RGSL1: variants seen among roughly 807,000 people sequenced by gnomAD.
The protein encoded by RGSL1 is regulator of G protein signaling protein-like.
RGSL1 carries 97 observed loss-of-function variants against 124.7 expected under a neutral mutation model. That is an observed-to-expected ratio of 0.78 (90% CI 0.66 to 0.92). The LOEUF is 0.92. RGSL1 is among the 40% of genes least tolerant of loss of function. The pLI is 0.00. For synonymous variants in RGSL1, 424 were observed against 438.1 expected (o/e 0.97, Z 0.40); for missense variants, 1,233 against 1,288.4 (o/e 0.96, Z 0.66).
chr1:182,498,256 A>G (rs183604482), intron 9 of RGSL1, among the ~76,000 whole-genome samples: 1 of 151,930 alleles, frequency 6.6e-6, no homozygotes, highest in Admixed American at 6.6e-5. Context: ...ACCCATTTCA[A>G]GCTGGCTTAT....
intron 11 of RGSL1, among the ~76,000 whole-genome samples, chr1:182,529,233 G>A (rs1658989748): frequency 6.6e-6 from 1 of 152,062 alleles, no homozygotes; most frequent in East Asian, 1.9e-4. Flanking sequence ...ATAGGGATAG[G>A]CAGCTCCACT....
chr1:182,537,218 T>C (rs1241874314), intron 14 of RGSL1, among the ~76,000 whole-genome samples: 6 of 152,136 alleles, frequency 3.9e-5, no homozygotes, highest in African/African-American at 1.4e-4. Context: ...TAACCTCACG[T>C]AACAGGTTGC....
At chr1:182,520,934 G>T (rs2102234017) in intron 9 of RGSL1, among the ~76,000 whole-genome samples, 1 of 152,282 alleles carries the variant, frequency 6.6e-6, no homozygotes, top group African/African-American at 2.4e-5. Context: ...CTGTAAGTCA[G>T]ATGAGTAATA....
chr1:182,508,682 T>TTG (rs1163846372), intron 9 of RGSL1, among the ~76,000 whole-genome samples: 3 of 150,004 alleles, frequency 2.0e-5, no homozygotes, highest in African/African-American at 7.4e-5. Flanking sequence ...GTTTTTTTTT[T>TTG]TTTTTTTTTT....
intron 9 of RGSL1, among the ~76,000 whole-genome samples, chr1:182,501,307 C>CTTTTTTTT (rs141279993): frequency 3.3e-4 from 20 of 61,352 alleles, no homozygotes; most frequent in Admixed American, 1.1e-3. Context: ...TTTTTCTTTT[C>CTTTTTTTT]TTTTTTTTTT....
chr1:182,460,162 G>C (rs1571472350), intron 4 of RGSL1, 29 bp downstream of exon 4: 4 of 160,790 alleles, frequency 2.5e-5, no homozygotes, highest in Non-Finnish European at 3.0e-5. Flanking sequence ...GCGTGTGTCT[G>C]TGTGTGTGTG....
intron 20 of RGSL1, 72 bp from the exon 21 acceptor site, chr1:182,555,952 C>A: frequency 7.2e-7 from 1 of 1,390,986 alleles, no homozygotes; most frequent in Non-Finnish European, 1.0e-6. Context: ...ATGACAGTGA[C>A]AAACCAACAG....
Position 182,458,305 on chromosome 1 carries a change from G to A in RGSL1, c.97-14G>A. 1 of 1,550,052 alleles carries A rather than the reference G, an allele frequency of 6.5e-7. No individual in the cohort carries two copies. Among genetic ancestry groups the A allele is most frequent in the South Asian group, 1.2e-5 (1 of 83,998 alleles). ...GCTCTACTCCCTTGACTGTTTCCTA[G>A]CTTTGTTTTGCAGGTTTTTGGTCAG... On this transcript the variant is annotated splice_polypyrimidine_tract_variant and intron_variant, in intron 2 of 21. Transcript: ENST00000294854.
intron 6 of RGSL1, among the ~76,000 whole-genome samples, chr1:182,484,963 T>G (rs1457744333): frequency 2.0e-5 from 3 of 152,028 alleles, no homozygotes; most frequent in Non-Finnish European, 4.4e-5. Context: ...ATTCCAGCAG[T>G]AATACCATTT....
intron 9 of RGSL1, among the ~76,000 whole-genome samples, chr1:182,499,647 T>G (rs1459198014): frequency 6.6e-6 from 1 of 152,250 alleles, no homozygotes; most frequent in Non-Finnish European, 1.5e-5. Flanking sequence ...TCTGTGCCTT[T>G]TAATTGGGAC....
intron 6 of RGSL1, among the ~76,000 whole-genome samples, chr1:182,483,844 G>A (rs1363926445): frequency 2.0e-5 from 3 of 152,040 alleles, no homozygotes; most frequent in Admixed American, 6.5e-5. Context: ...CTCAAGCCCC[G>A]GGGTTCGGTT....
intron 4 of RGSL1, among the ~76,000 whole-genome samples, chr1:182,464,521 C>T (rs867105420): frequency 1.3e-5 from 2 of 152,062 alleles, no homozygotes; most frequent in East Asian, 3.9e-4. Context: ...GTCAGGAGCT[C>T]GAGACCAGCC....
chr1:182,489,096 T>C lies in RGSL1; in HGVS notation c.1611T>C (p.Ala537=), dbSNP rs1001255992. The C allele has an allele frequency of 1.4e-5, 21 of 1,551,536 alleles. No individual in the cohort carries two copies. The highest frequency in any genetic ancestry group is 1.7e-4 in the Middle Eastern group (1 of 6,014). ...QQSLELSQAL[A]DMKEMDYRQW... is the part of the protein sequence containing the mutation. ...CTCTAGAGTTAAGCCAGGCTTTGGC[T>C]GACATGAAGGAAATGGACTATAGGC... Residue 537 remains alanine, a synonymous_variant, in exon 8 of 22, where the codon GCT becomes GCC. Transcript: ENST00000294854.
chr1:182,460,807 G>T, intron 4 of RGSL1: 1 of 442,160 alleles, frequency 2.3e-6, no homozygotes, highest in South Asian at 1.6e-5. Context: ...TGTTTGGGGG[G>T]AAACTTTAGA....
intron 9 of RGSL1, among the ~76,000 whole-genome samples, chr1:182,521,663 C>T (rs1368458093): frequency 6.6e-6 from 1 of 152,186 alleles, no homozygotes; most frequent in African/African-American, 2.4e-5. Flanking sequence ...GACGGAATGT[C>T]ATGTGGAATA....
At chr1:182,475,463 A>T (rs1024331727) in intron 6 of RGSL1, among the ~76,000 whole-genome samples, 2 of 152,180 alleles carry the variant, frequency 1.3e-5, no homozygotes, top group Non-Finnish European at 2.9e-5. Context: ...AACCACAGGG[A>T]TAGTGTCATA....
intron 15 of RGSL1, among the ~76,000 whole-genome samples, chr1:182,542,084 G>A (rs1571695795): frequency 6.6e-6 from 1 of 152,058 alleles, no homozygotes; most frequent in Non-Finnish European, 1.5e-5. Flanking sequence ...TTAGCTTGAT[G>A]TGATCCATTT....
At chr1:182,467,829 C>A (rs1653473038) in intron 4 of RGSL1, among the ~76,000 whole-genome samples, 1 of 152,180 alleles carries the variant, frequency 6.6e-6, no homozygotes, top group African/African-American at 2.4e-5. Flanking sequence ...AGTGAACAGG[C>A]AACCTACGGA....
rs1353145960 is a variant in RGSL1, at chr1:182,556,142, T to C, written c.*85T>C. Reference sequence around the variant, plus strand: ...AACTTTTCTGGTCAAAAATGAAAGGTCCTGGTACCATCTTCCCCAGAAACG... The same window carrying C: ...AACTTTTCTGGTCAAAAATGAAAGGCCCTGGTACCATCTTCCCCAGAAACG... On this transcript the variant is annotated 3_prime_UTR_variant, in exon 21 of 22. Coordinates refer to ENST00000294854, the MANE Select transcript of RGSL1 (RefSeq NM_001137669.2). The C allele has an allele frequency of 1.5e-5, 20 of 1,318,870 alleles. No individual in the cohort carries two copies. The highest frequency in any genetic ancestry group is 1.9e-5 in the Non-Finnish European group (18 of 951,444). 81.7% of individuals were successfully genotyped at this position (1,318,870 alleles called of 1,614,324 possible). A position where few individuals can be genotyped will look rare whatever the true frequency, so the allele number is the denominator to read the frequency against.
Sources: allele counts gnomAD v4.1 joint callset (sites outside exome capture counted in the v4.1 genomes callset), GRCh38; gene constraint gnomAD v4.1.1; transcripts MANE v1.5; gene names NCBI Gene and HGNC (gene_info 2026-07-23, HGNC 2026-07-21).